ME3: variants seen among roughly 807,000 people sequenced by gnomAD.
ME3 encodes malic enzyme 3, also known as NADP-dependent malic enzyme, mitochondrial.
In ME3, 48 loss-of-function variants were observed where a neutral mutation model predicts 68.9. The ratio of observed to expected loss-of-function variants is 0.70; its 90% confidence interval spans 0.55 to 0.89. The LOEUF (loss-of-function observed/expected upper bound fraction) is 0.89, where lower values mean the gene tolerates loss of function less well. Ranked by LOEUF, ME3 falls within the 40% of genes least tolerant of loss-of-function variation. ME3 has a pLI of 0.00. For synonymous variants in ME3, 320 were observed against 318.8 expected (o/e 1.00, Z -0.04); for missense variants, 675 against 797.4 (o/e 0.85, Z 1.85).
intron 2 of ME3, among the ~76,000 whole-genome samples, chr11:86,669,442 TC>T (rs1321228577): frequency 6.6e-6 from 1 of 152,130 alleles, no homozygotes; most frequent in Non-Finnish European, 1.5e-5. Flanking sequence ...GACTCACAGT[TC>T]CACATGGCTG....
chr11:86,559,986 T>G (rs1957127157), intron 2 of ME3, among the ~76,000 whole-genome samples, 163 bp from the exon 3 acceptor site: 1 of 152,210 alleles, frequency 6.6e-6, no homozygotes. Context: ...GGTCATCTTG[T>G]GCCAGTTACT....
chr11:86,470,275 A>G (rs1450055618), intron 7 of ME3, among the ~76,000 whole-genome samples: 2 of 152,130 alleles, frequency 1.3e-5, no homozygotes, highest in Non-Finnish European at 1.5e-5. Context: ...TGGTATTTCC[A>G]TGGTAGTCCA....
exon 9 of ME3, chr11:86,450,340 C>G (rs1454707137): frequency 6.2e-7 from 1 of 1,614,172 alleles, no homozygotes; most frequent in East Asian, 2.2e-5. Context: ...GATTGGAAAG[C>G]TTGTTCTTGG....
intron 4 of ME3, among the ~76,000 whole-genome samples, chr11:86,553,563 G>C (rs1243810260): frequency 1.3e-5 from 2 of 152,186 alleles, no homozygotes; most frequent in East Asian, 3.9e-4. Flanking sequence ...TGGAAACCTA[G>C]AGCAACAACT....
exon 12 of ME3, chr11:86,447,131 G>C: frequency 6.2e-7 from 1 of 1,614,230 alleles, no homozygotes; most frequent in Non-Finnish European, 8.5e-7. Context: ...TCAGGGCAAA[G>C]ATGATAGGGC....
At chr11:86,441,266 C>A in exon 15 of ME3, 1 of 1,570,378 alleles carries the variant, frequency 6.4e-7, no homozygotes, top group Admixed American at 1.9e-5. Context: ...CCATACTAGC[C>A]TCTGAGACTG....
chr11:86,495,012 T>A (rs1248631466), intron 6 of ME3, among the ~76,000 whole-genome samples: 5 of 152,200 alleles, frequency 3.3e-5, no homozygotes, highest in Non-Finnish European at 7.3e-5. Context: ...TTCTTTAAAA[T>A]TTTGAATAAT....
intron 4 of ME3, among the ~76,000 whole-genome samples, chr11:86,536,229 G>A (rs141282376): frequency 0.025 from 3,790 of 151,976 alleles, 55 homozygotes; most frequent in Non-Finnish European, 0.039. Context: ...GCATGAGCAA[G>A]GACTTCATGT....
At chr11:86,498,048 C>T (rs1246159979) in exon 6 of ME3, 1 of 1,613,776 alleles carries the variant, frequency 6.2e-7, no homozygotes, top group South Asian at 1.1e-5. Context: ...GGCCAGCTTG[C>T]CCACAGGGAT....
intron 2 of ME3, among the ~76,000 whole-genome samples, chr11:86,613,219 A>T (rs531089427): frequency 6.6e-6 from 1 of 152,292 alleles, no homozygotes; most frequent in East Asian, 1.9e-4. Context: ...ATGGTTGTAG[A>T]TGTGTGGTGT....
intron 2 of ME3, among the ~76,000 whole-genome samples, chr11:86,656,154 CT>C (rs36152939): frequency 0.44 from 66,322 of 149,902 alleles, 16,423 homozygotes; most frequent in Non-Finnish European, 0.57. Flanking sequence ...GTTGGTGGGA[CT>C]GTAAACTAGT....
At chr11:86,645,471 C>A (rs1474813041) in intron 2 of ME3, among the ~76,000 whole-genome samples, 1 of 152,190 alleles carries the variant, frequency 6.6e-6, no homozygotes, top group African/African-American at 2.4e-5. Flanking sequence ...GCGGAGCCCA[C>A]TGCAGCTCGT....
chr11:86,525,914 T>C (rs1954706034), intron 4 of ME3, among the ~76,000 whole-genome samples: 1 of 149,896 alleles, frequency 6.7e-6, no homozygotes. Flanking sequence ...TAATAGGAAC[T>C]GCTCCAGTCT....
At chr11:86,648,836 C>T (rs892501435) in intron 2 of ME3, among the ~76,000 whole-genome samples, 2 of 151,984 alleles carry the variant, frequency 1.3e-5, no homozygotes, top group African/African-American at 2.4e-5. Context: ...TAATAGCCTA[C>T]CAACCAAAAA....
At chr11:86,499,830 C>A (rs145365152) in intron 5 of ME3, among the ~76,000 whole-genome samples, 2 of 152,186 alleles carry the variant, frequency 1.3e-5, no homozygotes, top group Non-Finnish European at 2.9e-5. Context: ...TCTGCTTCAC[C>A]GGTGAGCAAA....
intron 8 of ME3, chr11:86,457,413 C>T: frequency 1.2e-6 from 1 of 816,126 alleles, no homozygotes; most frequent in Non-Finnish European, 1.5e-6. Context: ...ATTCAGTAAT[C>T]AGTTCTCAGC....
intron 8 of ME3, among the ~76,000 whole-genome samples, chr11:86,452,887 C>G (rs757659537): frequency 4.6e-5 from 7 of 152,150 alleles, no homozygotes; most frequent in Non-Finnish European, 7.3e-5. Context: ...ACTAAAATGT[C>G]TGTTGGGACA....
chr11:86,658,574 CAGT>C (rs1461985617), intron 2 of ME3, among the ~76,000 whole-genome samples: 7 of 152,146 alleles, frequency 4.6e-5, no homozygotes. Flanking sequence ...GTCCAGTTGA[CAGT>C]AGTAGATCAC....
At position 86,497,952 on chromosome 11, in the gene ME3, C is replaced by T. The variant is rs1391782159; in HGVS notation, c.705+11G>A. 6.3e-7 allele frequency: 1 copy of T among 1,586,492 alleles called. No homozygotes were observed. Among genetic ancestry groups the T allele is most frequent in the Non-Finnish European group, 8.6e-7 (1 of 1,164,372 alleles). ...TTGGCCCCAGAGCTCCTGCCCTGGG[C>T]AGTGGGTTACCTCATTGTTGGTGCC... On this transcript the variant is annotated intron_variant, in intron 6 of 14. Coordinates refer to ENST00000543262, the Ensembl canonical transcript of ME3.
Sources: gnomAD v4.1 joint callset for allele counts (sites outside exome capture counted in the v4.1 genomes callset) on GRCh38, gnomAD v4.1.1 for gene constraint, MANE v1.5 for transcripts, NCBI Gene and HGNC (gene_info 2026-07-23, HGNC 2026-07-21) for gene names.